The following DLG2 variants were observed in gnomAD, a reference collection of about 807,000 sequenced individuals.
The protein encoded by DLG2 is disks large homolog 2.
In DLG2, 45 loss-of-function variants were observed where a neutral mutation model predicts 132.5. The ratio of observed to expected loss-of-function variants is 0.34; its 90% CI spans 0.27 to 0.44. The LOEUF (loss-of-function observed/expected upper bound fraction) is 0.44. DLG2 is among the 20% of genes least tolerant of loss of function. DLG2 has a pLI of 1.00. For synonymous variants in DLG2, 424 were observed against 419.6 expected (o/e 1.01, Z -0.13); for missense variants, 1,045 against 1,196.9 (o/e 0.87, Z 1.87).
chr11:84,128,241 T>C (rs2154213187), intron 9 of DLG2, among the ~76,000 whole-genome samples: 1 of 152,284 alleles, frequency 6.6e-6, no homozygotes, highest in Non-Finnish European at 1.5e-5. Context: ...AGGCCTTTTG[T>C]AACCAATACA....
In DLG2 at chr11:84,665,474, T is replaced by G. The variant is rs1415726614; in HGVS notation, c.358-130743A>C. Among the ~76,000 whole-genome samples the G allele has an allele frequency of 8.5e-5, 13 of 152,082 alleles. 1 individual carries two copies. The highest frequency in any genetic ancestry group is 8.5e-4 in the Admixed American group (13 of 15,266). On this transcript the variant is annotated intron_variant, in intron 6 of 27. Coordinates refer to ENST00000376104, the MANE Select transcript of DLG2 (RefSeq NM_001142699.3). ...ATTTCCAAATATTCATATATTCAAA[T>G]CTCTTTCATATCTCCATGCCTTTCC... is the stretch of plus-strand genomic sequence containing the variant.
intron 6 of DLG2, among the ~76,000 whole-genome samples, chr11:84,609,315 T>G (rs1177053859): frequency 1.3e-5 from 2 of 152,178 alleles, no homozygotes; most frequent in Non-Finnish European, 2.9e-5. Context: ...CTAAATGAGT[T>G]AATACCTATA....
At chr11:83,543,443 T>C (rs1326939113) in intron 19 of DLG2, among the ~76,000 whole-genome samples, 5 of 152,194 alleles carry the variant, frequency 3.3e-5, no homozygotes, top group African/African-American at 4.8e-5. Context: ...ATTAAGCCTA[T>C]AGTATGTGCA....
chr11:84,975,315 C>T (rs2054736774), intron 6 of DLG2, among the ~76,000 whole-genome samples: 1 of 152,114 alleles, frequency 6.6e-6, no homozygotes, highest in Non-Finnish European at 1.5e-5. Flanking sequence ...GGTGATGATG[C>T]TATAAGTTCT....
Position 85,414,390 on chromosome 11 carries a change from C to G in DLG2, c.41-129025G>C, listed in dbSNP as rs2089626773. On this transcript the variant is annotated intron_variant, in intron 3 of 27. Coordinates refer to ENST00000376104, the MANE Select transcript of DLG2 (RefSeq NM_001142699.3). Reference sequence around the variant, plus strand: ...CTTTACTGATCTGGATGCCCTTTATCTCTTCCTCTTGTCTGATTGCTCTGG... The same window carrying G: ...CTTTACTGATCTGGATGCCCTTTATGTCTTCCTCTTGTCTGATTGCTCTGG... 2.0e-5 allele frequency among the ~76,000 whole-genome samples: 3 copies of G among 152,016 alleles called. No individual in the cohort carries two copies. In the South Asian group the frequency reaches 6.2e-4, roughly 32 times the overall value.
chr11:83,850,123 AGT>A (rs544279195), intron 16 of DLG2, among the ~76,000 whole-genome samples: 736 of 39,014 alleles, frequency 0.019, 7 homozygotes, highest in Admixed American at 0.027. Context: ...ATTTGGGGTA[AGT>A]GTGTGTGTGT....
At chr11:83,577,599 T>G (rs1308322908) in intron 19 of DLG2, among the ~76,000 whole-genome samples, 2 of 112,390 alleles carry the variant, frequency 1.8e-5, no homozygotes, top group Non-Finnish European at 3.5e-5. Flanking sequence ...CTATTTATAA[T>G]AGGATATATA....
intron 6 of DLG2, among the ~76,000 whole-genome samples, chr11:85,097,527 G>C (rs2070067545): frequency 6.6e-6 from 1 of 152,220 alleles, no homozygotes; most frequent in Admixed American, 6.5e-5. Flanking sequence ...ATGGTGATGA[G>C]CTATAGAAGA....
At chr11:84,065,222 A>G (rs1319865721) in intron 10 of DLG2, among the ~76,000 whole-genome samples, 3 of 152,202 alleles carry the variant, frequency 2.0e-5, no homozygotes, top group Non-Finnish European at 2.9e-5. Flanking sequence ...GACAAATGGG[A>G]CCTAATCAAA....
chr11:84,524,633 A>T (rs2099314545), intron 7 of DLG2, among the ~76,000 whole-genome samples: 1 of 152,228 alleles, frequency 6.6e-6, no homozygotes, highest in South Asian at 2.1e-4. Flanking sequence ...CAGGATGATC[A>T]TCTCAGCTAC....
At position 85,499,927 on chromosome 11, in the gene DLG2, G is replaced by C. The variant is rs368112428; in HGVS notation, c.40+98730C>G. On this transcript the variant is annotated intron_variant, in intron 3 of 27. Transcript: ENST00000376104. ...CATGCTTAAATCTCCCAATAAACTA[G>C]GTATCAATGGAACATATCTCAATAT... 3.3e-5 allele frequency among the ~76,000 whole-genome samples: 5 copies of C among 152,192 alleles called. No individual in the cohort carries two copies. The South Asian group carries it at 6.2e-4, about 19-fold the overall frequency.
intron 3 of DLG2, among the ~76,000 whole-genome samples, chr11:85,349,440 C>A (rs760336741): frequency 5.3e-4 from 80 of 151,942 alleles, no homozygotes; most frequent in Non-Finnish European, 1.0e-3. Context: ...ACTCAAAGTT[C>A]TAGGGTACAT....
rs1419365100 is a variant in DLG2 at position 83,668,876 on chromosome 11, T to TTC, written c.1826-35552_1826-35551insGA. Among the ~76,000 whole-genome samples the TTC allele has an allele frequency of 3.8e-4, 57 of 149,010 alleles. 4 individuals carry two copies. In the South Asian group the frequency reaches 0.012, roughly 30 times the overall value. On this transcript the variant is annotated intron_variant, in intron 18 of 27. Transcript: ENST00000376104. ...ATATATATATATATATATTTTTTTTTTATGATAGACTATGAGCTTCTAAAG... is the reference window on the plus strand; with the variant it reads ...ATATATATATATATATATTTTTTTTTTCTATGATAGACTATGAGCTTCTAAAG...
At chr11:85,544,939 A>C (rs1022412505) in intron 3 of DLG2, among the ~76,000 whole-genome samples, 6 of 152,146 alleles carry the variant, frequency 3.9e-5, no homozygotes, top group Non-Finnish European at 7.4e-5. Flanking sequence ...CTGCGCACAG[A>C]AACAATTTGA....
rs993593291 is a variant in DLG2, at chr11:83,855,834, CA to C, written c.1565+18585del. On this transcript the variant is annotated intron_variant, in intron 16 of 27. Coordinates refer to ENST00000376104, the MANE Select transcript of DLG2 (RefSeq NM_001142699.3). ...CACCTGGGTGACAGAGACTCTGTCT[CA>C]AAAAAAAAAAATTTTCAGGGATACA... Among the ~76,000 whole-genome samples the C allele has an allele frequency of 3.2e-4, 46 of 142,302 alleles. 1 individual carries two copies. Among genetic ancestry groups the C allele is most frequent in the Middle Eastern group, 3.8e-3 (1 of 264 alleles). 93.4% of individuals were successfully genotyped at this position (142,302 alleles called of 152,430 possible).
intron 8 of DLG2, among the ~76,000 whole-genome samples, chr11:84,183,095 T>C (rs2096184312): frequency 6.6e-6 from 1 of 152,118 alleles, no homozygotes; most frequent in Non-Finnish European, 1.5e-5. Context: ...GAATCAATAA[T>C]TAATAACCTT....
intron 21 of DLG2, among the ~76,000 whole-genome samples, chr11:83,521,726 C>T (rs1026751315): frequency 1.3e-5 from 2 of 152,122 alleles, no homozygotes; most frequent in African/African-American, 4.8e-5. Flanking sequence ...CCCACATGTT[C>T]ATGAATGACA....
At chr11:84,416,534 T>C (rs548673841) in intron 7 of DLG2, among the ~76,000 whole-genome samples, 1 of 152,264 alleles carries the variant, frequency 6.6e-6, no homozygotes, top group Admixed American at 6.5e-5. Context: ...TCTGACAAAA[T>C]AACATATTCT....
intron 7 of DLG2, among the ~76,000 whole-genome samples, chr11:84,433,982 T>C (rs1242763554): frequency 2.0e-5 from 3 of 151,750 alleles, no homozygotes; most frequent in Admixed American, 6.6e-5. Context: ...GCCGGGCATA[T>C]TGACACACAC....
Sources: gnomAD v4.1 joint callset for allele counts (sites outside exome capture counted in the v4.1 genomes callset) on GRCh38, gnomAD v4.1.1 for gene constraint, MANE v1.5 for transcripts, NCBI Gene and HGNC (gene_info 2026-07-23, HGNC 2026-07-21) for gene names.